The following ATP10A variants were observed in gnomAD, a reference collection of about 807,000 sequenced individuals.
The protein encoded by ATP10A is ATPase phospholipid transporting 10A (putative).
In ATP10A, 111 loss-of-function variants were observed where a neutral mutation model predicts 147.8. The ratio of observed to expected loss-of-function variants is 0.75; its 90% CI spans 0.64 to 0.88. ATP10A has a LOEUF of 0.88. Ranked by LOEUF, ATP10A falls within the 40% of genes least tolerant of loss-of-function variation. The pLI is 0.00. For missense variants in ATP10A, 1,927 were observed against 1,959.0 expected (o/e 0.98, Z 0.31); for synonymous variants, 875 against 841.6 (o/e 1.04, Z -0.69).
chr15:25,704,180 T>G (rs1424107443), intron 12 of ATP10A, among the ~76,000 whole-genome samples: 2 of 152,212 alleles, frequency 1.3e-5, no homozygotes, highest in African/African-American at 4.8e-5. Context: ...TTCCTTGATG[T>G]CTGGGGAAGA....
chr15:25,859,811 G>A (rs1465054726), intron 1 of ATP10A, among the ~76,000 whole-genome samples: 3 of 152,060 alleles, frequency 2.0e-5, no homozygotes, highest in African/African-American at 4.8e-5. Context: ...TAACATAAAC[G>A]ATGACGCACT....
chr15:25,785,122 G>A (rs536216060), intron 1 of ATP10A, among the ~76,000 whole-genome samples: 20 of 152,140 alleles, frequency 1.3e-4, no homozygotes, highest in African/African-American at 4.8e-4. Context: ...ACCCGGCAAG[G>A]AGCCTGGGCC....
chr15:25,795,665 A>G (rs1015473311), intron 1 of ATP10A, among the ~76,000 whole-genome samples: 1 of 152,122 alleles, frequency 6.6e-6, no homozygotes, highest in Non-Finnish European at 1.5e-5. Context: ...ATTTCTTTAG[A>G]TATCATTTTA....
intron 1 of ATP10A, among the ~76,000 whole-genome samples, chr15:25,785,311 A>G (rs1890106185): frequency 6.6e-6 from 1 of 152,132 alleles, no homozygotes; most frequent in Non-Finnish European, 1.5e-5. Flanking sequence ...TATAAGAGAA[A>G]GGCAGCAGAG....
chr15:25,750,620 G>GT (rs1342147977), intron 2 of ATP10A, among the ~76,000 whole-genome samples: 1 of 152,042 alleles, frequency 6.6e-6, no homozygotes, highest in East Asian at 1.9e-4. Flanking sequence ...GCATGGGTAA[G>GT]TAAGACTTTT....
chr15:25,861,563 C>T (rs1893760643), intron 1 of ATP10A, among the ~76,000 whole-genome samples: 1 of 152,178 alleles, frequency 6.6e-6, no homozygotes, highest in Non-Finnish European at 1.5e-5. Context: ...TGAATGCCTA[C>T]GTTTAAGAGG....
At position 25,741,964 on chromosome 15, in the gene ATP10A, T is replaced by A. The variant is rs1303830636; in HGVS notation, c.655-5823A>T. 2.6e-5 allele frequency among the ~76,000 whole-genome samples: 4 copies of A among 152,238 alleles called. No individual in the cohort carries two copies. In the East Asian group the frequency reaches 7.7e-4, roughly 29 times the overall value. ...TTCTCCAAGTTCCACAGATTCAGTGTTACTCTAGGGGTTAATGCCCCGTGA... is the reference window on the plus strand; with the variant it reads ...TTCTCCAAGTTCCACAGATTCAGTGATACTCTAGGGGTTAATGCCCCGTGA... On this transcript the variant is annotated intron_variant, in intron 2 of 20. Transcript: ENST00000555815.
intron 2 of ATP10A, among the ~76,000 whole-genome samples, chr15:25,737,707 C>T (rs1224763611): frequency 6.6e-6 from 1 of 152,078 alleles, no homozygotes; most frequent in Non-Finnish European, 1.5e-5. Context: ...ATATTGAAGT[C>T]CTAACCCCAC....
chr15:25,824,563 T>G (rs199638422), intron 1 of ATP10A, among the ~76,000 whole-genome samples: 6 of 29,192 alleles, frequency 2.1e-4, no homozygotes, highest in Middle Eastern at 0.021. Context: ...GTGTGTGTTT[T>G]TTTTTTTTTT....
At chr15:25,774,195 G>A (rs150438083) in intron 2 of ATP10A, among the ~76,000 whole-genome samples, 88 of 152,220 alleles carry the variant, frequency 5.8e-4, no homozygotes, top group African/African-American at 1.7e-3. Flanking sequence ...AAAATTTTAA[G>A]TTTCCACACA....
chr15:25,672,788 G>C (rs1031354767), downstream of ATP10A, among the ~76,000 whole-genome samples: 2 of 152,128 alleles, frequency 1.3e-5, no homozygotes, highest in Admixed American at 6.5e-5. Flanking sequence ...TTATATGAAT[G>C]ATTACCAAAA....
chr15:25,730,339 A>AG (rs1902901142), intron 3 of ATP10A, among the ~76,000 whole-genome samples: 1 of 4,722 alleles, frequency 2.1e-4, no homozygotes, highest in African/African-American at 2.3e-4. Flanking sequence ...GAAGAAAGAA[A>AG]GAAAGGAAGG....
chr15:25,852,952 T>C (rs773083841), intron 1 of ATP10A, among the ~76,000 whole-genome samples: 17 of 152,228 alleles, frequency 1.1e-4, no homozygotes, highest in African/African-American at 3.9e-4. Context: ...CCTTTGTCAG[T>C]TGATTTCCAG....
At chr15:25,855,061 C>CAA (rs58243465) in intron 1 of ATP10A, among the ~76,000 whole-genome samples, 3,383 of 65,910 alleles carry the variant, frequency 0.051, 206 homozygotes, top group African/African-American at 0.13. Flanking sequence ...CTCCGTCTCA[C>CAA]AAAAAAAAAA....
intron 1 of ATP10A, among the ~76,000 whole-genome samples, chr15:25,851,346 A>G (rs1302299375): frequency 6.6e-6 from 1 of 151,556 alleles, no homozygotes; most frequent in Non-Finnish European, 1.5e-5. Flanking sequence ...CCTTTTGAAA[A>G]CCAAGACTTA....
chr15:25,703,419 A>T (rs190299357), intron 12 of ATP10A, among the ~76,000 whole-genome samples: 2 of 152,336 alleles, frequency 1.3e-5, no homozygotes, highest in East Asian at 3.9e-4. Context: ...GTGTGAGAAC[A>T]CTGCAAGGAG....
chr15:25,858,343 A>T (rs976472955), intron 1 of ATP10A, among the ~76,000 whole-genome samples: 1 of 152,094 alleles, frequency 6.6e-6, no homozygotes, highest in Non-Finnish European at 1.5e-5. Flanking sequence ...TTGTTGCATT[A>T]AGAGGGAGGG....
intron 2 of ATP10A, among the ~76,000 whole-genome samples, chr15:25,740,267 A>C (rs1384189389): frequency 1.3e-5 from 2 of 152,270 alleles, no homozygotes; most frequent in African/African-American, 4.8e-5. Context: ...CTATCATAAA[A>C]AAACTAAAGT....
intron 1 of ATP10A, among the ~76,000 whole-genome samples, chr15:25,808,945 G>A (rs760383978): frequency 5.3e-5 from 8 of 152,192 alleles, no homozygotes; most frequent in Non-Finnish European, 7.3e-5. Context: ...AAGACTGGAC[G>A]TAGTTGGGAG....
Sources: gnomAD v4.1 joint callset for allele counts (sites outside exome capture counted in the v4.1 genomes callset) on GRCh38, gnomAD v4.1.1 for gene constraint, MANE v1.5 for transcripts, NCBI Gene and HGNC (gene_info 2026-07-23, HGNC 2026-07-21) for gene names.